Variants in SLC43A2 observed in about 807,000 individuals in gnomAD.
SLC43A2 encodes the protein large neutral amino acids transporter small subunit 4.
In SLC43A2, 38 loss-of-function variants were observed where a neutral mutation model predicts 63.2. The ratio of observed to expected loss-of-function variants is 0.60; its 90% CI spans 0.46 to 0.79. The LOEUF (loss-of-function observed/expected upper bound fraction) is 0.79. SLC43A2 is among the 30% of genes least tolerant of loss of function. The pLI is 0.00. For synonymous variants in SLC43A2, 322 were observed against 331.0 expected, an observed-to-expected ratio of 0.97 and a Z score of 0.30; for missense variants, 644 against 756.2, an observed-to-expected ratio of 0.85 and a Z score of 1.74.
At chr17:1,607,140 C>A (rs1201016403) in intron 5 of SLC43A2, among the ~76,000 whole-genome samples, 2 of 152,336 alleles carry the variant, frequency 1.3e-5, no homozygotes, top group East Asian at 3.9e-4. Flanking sequence ...ACAGCGCCGT[C>A]CCCTAGAGTC....
At position 1,578,360 on chromosome 17, in the gene SLC43A2, T is replaced by A; in HGVS notation, c.1351-37A>T. ...AAAGGCGACTGTGGGCATAAGGCCTTAAGGGACCGTCCCCTCAGCCCCCGC... is the reference window on the plus strand; with the variant it reads ...AAAGGCGACTGTGGGCATAAGGCCTAAAGGGACCGTCCCCTCAGCCCCCGC... On this transcript the variant is annotated intron_variant, in intron 11 of 13. Coordinates refer to ENST00000301335, the MANE Select transcript of SLC43A2 (RefSeq NM_152346.3). The surrounding 1 kb of genome is among the most constrained non-coding windows in gnomAD (Gnocchi z 6.5). 6.3e-7 allele frequency: 1 copy of A among 1,599,974 alleles called. No homozygotes were observed. The highest frequency in any genetic ancestry group is 8.5e-7 in the Non-Finnish European group (1 of 1,169,698).
At chr17:1,615,922 A>AAT (rs1327121192) in intron 3 of SLC43A2, among the ~76,000 whole-genome samples, 6 of 147,324 alleles carry the variant, frequency 4.1e-5, no homozygotes, top group African/African-American at 1.5e-4. Flanking sequence ...AGGCGCCTGT[A>AAT]ATCCCAGCTA....
At chr17:1,623,357 C>T (rs1475794913) in intron 2 of SLC43A2, among the ~76,000 whole-genome samples, 2 of 152,128 alleles carry the variant, frequency 1.3e-5, no homozygotes, top group African/African-American at 4.8e-5. Flanking sequence ...CAACTGGGGT[C>T]GGCCTTCATG....
chr17:1,594,921 G>A (rs1019053453), intron 5 of SLC43A2, among the ~76,000 whole-genome samples: 3 of 152,008 alleles, frequency 2.0e-5, no homozygotes, highest in African/African-American at 7.3e-5. Flanking sequence ...GGATCTGCTG[G>A]ACGCAGTGGC....
chr17:1,613,362 C>G (rs1907303943), intron 4 of SLC43A2, 91 bp from the exon 5 acceptor site: 2 of 1,069,728 alleles, frequency 1.9e-6, no homozygotes, highest in Non-Finnish European at 2.8e-6. Context: ...GTGCAGGCTC[C>G]CAGTAAATCC....
intron 2 of SLC43A2, among the ~76,000 whole-genome samples, chr17:1,626,193 C>T (rs1420748289): frequency 1.5e-5 from 2 of 134,416 alleles, no homozygotes. Flanking sequence ...TTTTTTTAAA[C>T]CCTGTGTCCA....
At chr17:1,622,102 T>A (rs1908212763) in intron 2 of SLC43A2, among the ~76,000 whole-genome samples, 1 of 152,016 alleles carries the variant, frequency 6.6e-6, no homozygotes, top group African/African-American at 2.4e-5. Context: ...GCTGGGGCGG[T>A]GGGAAGAGCC....
At chr17:1,586,928 T>TCGCC in intron 9 of SLC43A2, 2 of 1,232,914 alleles carry the variant, frequency 1.6e-6, no homozygotes, top group Non-Finnish European at 2.2e-6. Flanking sequence ...TCCCTGACAA[T>TCGCC]CCCCCCCACC....
chr17:1,619,300 T>C (rs953982989), intron 2 of SLC43A2, among the ~76,000 whole-genome samples: 2 of 152,048 alleles, frequency 1.3e-5, no homozygotes, highest in Non-Finnish European at 2.9e-5. Flanking sequence ...AGACCCCGTC[T>C]CGAAAAACAA....
At chr17:1,587,048 C>A in intron 9 of SLC43A2, 1 of 1,356,744 alleles carries the variant, frequency 7.4e-7, no homozygotes, top group Non-Finnish European at 1.0e-6. Context: ...GGAGAGGAGG[C>A]AGGCTCACTC....
At chr17:1,586,891 A>T in intron 9 of SLC43A2, 1 of 1,524,214 alleles carries the variant, frequency 6.6e-7, no homozygotes, top group Non-Finnish European at 8.8e-7. Context: ...TTGAACAGAG[A>T]CTGGCTGGGA....
chr17:1,605,293 A>AG lies in SLC43A2; in HGVS notation c.501+7901dup, dbSNP rs1458549430. On this transcript the variant is annotated intron_variant, in intron 5 of 13. Transcript: ENST00000301335. The surrounding 1 kb of genome is among the most constrained non-coding windows in gnomAD (Gnocchi z 4.9). ...AGGCCGGACTGTGTGACCTTCCCAG[A>AG]GGGGAAAACAGCAGCTGCAGGCGGC... The AG allele has an allele frequency of 2.3e-5, 22 of 966,010 alleles. No individual in the cohort carries two copies. The African/African-American group carries it at 3.9e-4, about 17-fold the overall frequency. The allele number at this position is 966,010 out of a possible 1,614,324, so 59.8% of individuals were successfully genotyped here.
intron 11 of SLC43A2, among the ~76,000 whole-genome samples, chr17:1,580,611 G>C (rs1483785605): frequency 6.6e-6 from 1 of 152,184 alleles, no homozygotes. Context: ...CCCCAGGCTG[G>C]AGTGCAGTGG....
rs992107897 is a variant in SLC43A2, at chr17:1,578,509, T to TTTTG, written c.1351-190_1351-187dup. 2.4e-5 allele frequency: 13 copies of TTTTG among 545,428 alleles called. No individual in the cohort carries two copies. Among genetic ancestry groups the TTTTG allele is most frequent in the African/African-American group, 5.7e-5 (3 of 52,808 alleles). 33.8% of individuals were successfully genotyped at this position (545,428 alleles called of 1,614,324 possible). On this transcript the variant is annotated intron_variant, in intron 11 of 13. Coordinates refer to ENST00000301335, the MANE Select transcript of SLC43A2 (RefSeq NM_152346.3). The surrounding 1 kb of genome is among the most constrained non-coding windows in gnomAD (Gnocchi z 6.5). ...CAAGCCAGTCGTTAACACAGTCATT[T>TTTTG]TTTGTTTGTTTGTTTGTTTTGTTTT...
chr17:1,583,624 A>G lies in SLC43A2; in HGVS notation c.1218-288T>C, dbSNP rs938989681. The G allele has an allele frequency of 8.5e-6, 3 of 352,552 alleles. No homozygotes were observed. Among genetic ancestry groups the G allele is most frequent in the African/African-American group, 6.2e-5 (3 of 48,750 alleles). The allele number at this position is 352,552 out of a possible 1,614,324, so 21.8% of individuals were successfully genotyped here. On this transcript the variant is annotated intron_variant, in intron 10 of 13. Transcript: ENST00000301335. The surrounding 1 kb of genome is among the most constrained non-coding windows in gnomAD (Gnocchi z 5.5). ...GGCTGAGCTAAGACGACGGGGAGAGAAGTAGCAGCGTGTGCCTGAGCTGGC... is the reference window on the plus strand; with the variant it reads ...GGCTGAGCTAAGACGACGGGGAGAGGAGTAGCAGCGTGTGCCTGAGCTGGC...
At chr17:1,618,897 A>T (rs530239130) in intron 2 of SLC43A2, among the ~76,000 whole-genome samples, 1 of 152,138 alleles carries the variant, frequency 6.6e-6, no homozygotes, top group Non-Finnish European at 1.5e-5. Context: ...AGGCAAGAGA[A>T]TCATTGAACC....
chr17:1,615,584 C>T (rs1232347215), intron 3 of SLC43A2, among the ~76,000 whole-genome samples: 1 of 150,434 alleles, frequency 6.6e-6, no homozygotes, highest in Non-Finnish European at 1.5e-5. Context: ...TGGCTCACGC[C>T]TGTAATCCCA....
At chr17:1,589,899 G>A (rs1355453121) in intron 9 of SLC43A2, among the ~76,000 whole-genome samples, 2 of 152,212 alleles carry the variant, frequency 1.3e-5, no homozygotes, top group Non-Finnish European at 2.9e-5. Context: ...GATTACAGGC[G>A]TGAGCCACCG....
rs979441771 is a variant in SLC43A2 at position 1,577,068 on chromosome 17, G to A, written c.1425-348C>T. ...TTTAGTAGAGACGGGGTTTCACTAC[G>A]TTGGCCAGGCTGGTCTCAAACTCCT... On this transcript the variant is annotated intron_variant, in intron 12 of 13. Coordinates refer to ENST00000301335, the MANE Select transcript of SLC43A2 (RefSeq NM_152346.3). The surrounding 1 kb of genome is among the most constrained non-coding windows in gnomAD (Gnocchi z 4.9). 1.3e-5 allele frequency among the ~76,000 whole-genome samples: 2 copies of A among 152,080 alleles called. No individual in the cohort carries two copies. Among genetic ancestry groups the A allele is most frequent in the Non-Finnish European group, 2.9e-5 (2 of 68,020 alleles).
Sources: gnomAD v4.1 joint callset for allele counts (sites outside exome capture counted in the v4.1 genomes callset) on GRCh38, gnomAD v4.1.1 for gene constraint, Gnocchi (gnomAD v3.1) non-coding constraint, MANE v1.5 for transcripts, NCBI Gene and HGNC (gene_info 2026-07-23, HGNC 2026-07-21) for gene names.